Variants in KAZN observed in about 807,000 individuals in gnomAD.
KAZN encodes the protein kazrin, periplakin interacting protein, also known as kazrin.
In KAZN, 40 loss-of-function variants were observed where a neutral mutation model predicts 87.4. That is an observed-to-expected ratio of 0.46 (90% CI 0.36 to 0.60). The LOEUF is 0.60. Ranked by LOEUF, KAZN falls within the 20% of genes least tolerant of loss-of-function variation. The probability of loss-of-function intolerance (pLI) is 0.00; values close to 1 mark genes in which losing one functional copy is unlikely to be tolerated. For synonymous variants in KAZN, 466 were observed against 458.3 expected (o/e 1.02, Z -0.22); for missense variants, 898 against 1,073.9 (o/e 0.84, Z 2.29).
chr1:14,275,330 A>G (rs1652261083), intron 2 of KAZN, among the ~76,000 whole-genome samples: 1 of 152,150 alleles, frequency 6.6e-6, no homozygotes, highest in African/African-American at 2.4e-5. Flanking sequence ...CTTTGGCCCC[A>G]TTCCCAGACC....
intron 2 of KAZN, among the ~76,000 whole-genome samples, chr1:15,023,380 G>A (rs1192508063): frequency 1.3e-5 from 2 of 152,194 alleles, no homozygotes; most frequent in Non-Finnish European, 2.9e-5. Context: ...AGAAAGGCAT[G>A]TTTGAATAAA....
intron 2 of KAZN, among the ~76,000 whole-genome samples, chr1:14,206,950 T>C (rs1646758808): frequency 7.5e-6 from 1 of 133,138 alleles, no homozygotes; most frequent in African/African-American, 2.9e-5. Context: ...CTTTCTTTTC[T>C]TCTTCTTTTT....
At chr1:14,827,585 G>A (rs1390181989) in intron 1 of KAZN, among the ~76,000 whole-genome samples, 2 of 152,182 alleles carry the variant, frequency 1.3e-5, no homozygotes, top group East Asian at 1.9e-4. Context: ...AATTGCTTAG[G>A]GCTGAGCTGG....
intron 2 of KAZN, among the ~76,000 whole-genome samples, chr1:14,228,276 T>A (rs550382802): frequency 1.3e-5 from 2 of 152,202 alleles, no homozygotes; most frequent in Non-Finnish European, 2.9e-5. Flanking sequence ...CCATCTTACT[T>A]CAGGCTGACA....
intron 2 of KAZN, among the ~76,000 whole-genome samples, chr1:14,496,390 G>A (rs946985138): frequency 6.6e-6 from 1 of 152,138 alleles, no homozygotes; most frequent in African/African-American, 2.4e-5. Flanking sequence ...TGTTGGGGGT[G>A]CTTGTGCATG....
intron 1 of KAZN, among the ~76,000 whole-genome samples, chr1:14,644,982 G>T (rs191650664): frequency 2.2e-3 from 338 of 152,234 alleles, no homozygotes; most frequent in Non-Finnish European, 2.8e-3. Context: ...TTGTGTATAT[G>T]GTGTAAGGAA....
At chr1:14,069,458 TA>T (rs2101550308) in intron 1 of KAZN, among the ~76,000 whole-genome samples, 1 of 152,314 alleles carries the variant, frequency 6.6e-6, no homozygotes, top group East Asian at 1.9e-4. Flanking sequence ...GCTATAAAAG[TA>T]AGACCTGTTT....
At chr1:14,515,572 G>C (rs146124650) in intron 2 of KAZN, among the ~76,000 whole-genome samples, 1 of 152,088 alleles carries the variant, frequency 6.6e-6, no homozygotes, top group Non-Finnish European at 1.5e-5. Flanking sequence ...CTACCATCCC[G>C]GCCTCACTCA....
chr1:14,557,267 A>G (rs1171955326), intron 2 of KAZN, among the ~76,000 whole-genome samples: 1 of 152,352 alleles, frequency 6.6e-6, no homozygotes, highest in East Asian at 1.9e-4. Flanking sequence ...ATTTGCATTG[A>G]CCAATGGCCA....
rs537537956 is a variant in KAZN at position 14,400,839 on chromosome 1, A to C, written c.250-198144A>C. Among the ~76,000 whole-genome samples, 7 of 152,342 alleles carry C rather than the reference A, an allele frequency of 4.6e-5. No individual in the cohort carries two copies. The East Asian group carries it at 1.2e-3, about 25-fold the overall frequency. ...TAGATCACAAGAATTAGCATTGAAC[A>C]CTGGTTAAAAATAAAAGTAGTTTTT... On this transcript the variant is annotated intron_variant, in intron 2 of 16. Transcript: ENST00000636203.
chr1:14,363,383 C>A (rs1234682377), intron 2 of KAZN, among the ~76,000 whole-genome samples: 3 of 152,166 alleles, frequency 2.0e-5, no homozygotes, highest in Non-Finnish European at 2.9e-5. Flanking sequence ...CTCACACCCA[C>A]CCACCCTCTG....
rs532446549 is a variant in KAZN, at chr1:14,125,474, G to T, written c.92-54961G>T. On this transcript the variant is annotated intron_variant, in intron 1 of 16. Coordinates refer to the KAZN transcript ENST00000636203. ...GATCGTCCAGGTGGGCTTAAATCCAGTGACAGTGGAGACAGAGAGGGGAAG... is the reference window on the plus strand; with the variant it reads ...GATCGTCCAGGTGGGCTTAAATCCATTGACAGTGGAGACAGAGAGGGGAAG... Among the ~76,000 whole-genome samples, 36 of 152,298 alleles carry T rather than the reference G, an allele frequency of 2.4e-4. No homozygotes were observed. In the South Asian group the frequency reaches 7.3e-3, roughly 31 times the overall value.
intron 2 of KAZN, among the ~76,000 whole-genome samples, chr1:14,988,912 T>C (rs888263347): frequency 3.3e-5 from 5 of 152,210 alleles, no homozygotes; most frequent in Non-Finnish European, 7.3e-5. Context: ...CCACCTTCCT[T>C]GGCCTGGATT....
At chr1:14,026,475 A>T (rs1321240402) in intron 1 of KAZN, among the ~76,000 whole-genome samples, 1 of 152,210 alleles carries the variant, frequency 6.6e-6, no homozygotes, top group East Asian at 1.9e-4. Context: ...TACATTAATA[A>T]ACAATGGCCC....
chr1:14,134,964 C>T (rs1645072362), intron 1 of KAZN, among the ~76,000 whole-genome samples: 1 of 58,924 alleles, frequency 1.7e-5, no homozygotes, highest in Non-Finnish European at 3.1e-5. Context: ...CATGCATATG[C>T]ACCCGCACAC....
intron 1 of KAZN, among the ~76,000 whole-genome samples, chr1:13,976,823 A>C (rs1638385131): frequency 6.6e-6 from 1 of 152,174 alleles, no homozygotes; most frequent in Admixed American, 6.5e-5. Flanking sequence ...AGTTAGTATA[A>C]GGAGAGATTA....
At chr1:14,151,877 G>A (rs1570882881) in intron 1 of KAZN, among the ~76,000 whole-genome samples, 2 of 151,938 alleles carry the variant, frequency 1.3e-5, no homozygotes. Flanking sequence ...AATTATGGTT[G>A]TGGTATGACA....
chr1:14,760,233 G>T (rs1288265684), intron 1 of KAZN, among the ~76,000 whole-genome samples: 1 of 151,890 alleles, frequency 6.6e-6, no homozygotes, highest in Non-Finnish European at 1.5e-5. Context: ...ACATCACTTG[G>T]GCCCAAATCC....
intron 2 of KAZN, among the ~76,000 whole-genome samples, chr1:14,398,074 C>A (rs941913963): frequency 3.9e-5 from 6 of 152,120 alleles, no homozygotes; most frequent in Non-Finnish European, 7.4e-5. Flanking sequence ...TCAAGCCCAG[C>A]CTATAGCTGC....
Sources: allele counts gnomAD v4.1 joint callset (sites outside exome capture counted in the v4.1 genomes callset), GRCh38; gene constraint gnomAD v4.1.1; transcripts MANE v1.5; gene names NCBI Gene and HGNC (gene_info 2026-07-23, HGNC 2026-07-21).